Variants in KCTD10 observed in about 807,000 individuals in gnomAD.
KCTD10 encodes the protein BTB/POZ domain-containing adapter for CUL3-mediated RhoA degradation protein 3.
A neutral mutation model predicts 34.6 loss-of-function variants in KCTD10; 13 were observed. The ratio of observed to expected loss-of-function variants is 0.38; its 90% CI spans 0.24 to 0.60. The LOEUF (loss-of-function observed/expected upper bound fraction) is 0.60, where lower values mean the gene tolerates loss of function less well. KCTD10 is among the 20% of genes least tolerant of loss of function. KCTD10 has a pLI of 0.66. For synonymous variants in KCTD10, 156 were observed against 168.8 expected, an observed-to-expected ratio of 0.92 and a Z score of 0.59; for missense variants, 256 against 420.3, an observed-to-expected ratio of 0.61 and a Z score of 3.42.
intron 2 of KCTD10, among the ~76,000 whole-genome samples, chr12:109,465,202 C>T (rs774784445): frequency 8.5e-5 from 13 of 152,174 alleles, no homozygotes; most frequent in Non-Finnish European, 1.8e-4. Flanking sequence ...GCTCCGGCAG[C>T]GGCTGTATGC....
At position 109,450,327 on chromosome 12, in the gene KCTD10, G is replaced by A. The variant is rs1345564125; in HGVS notation, c.*1268C>T. 1.3e-5 allele frequency: 5 copies of A among 387,162 alleles called. No individual in the cohort carries two copies. Among genetic ancestry groups the A allele is most frequent in the African/African-American group, 6.9e-5 (3 of 43,616 alleles). The allele number at this position is 387,162 out of a possible 1,614,324, so 24.0% of individuals were successfully genotyped here. A position where few individuals can be genotyped will look rare whatever the true frequency, so the allele number is the denominator to read the frequency against. ...CTGAGAACACCCGTCCTACATAGGCGCTGCGCCCAGCCGGGCTCCAGCAGG... is the reference window on the plus strand; with the variant it reads ...CTGAGAACACCCGTCCTACATAGGCACTGCGCCCAGCCGGGCTCCAGCAGG... On this transcript the variant is annotated 3_prime_UTR_variant, in exon 7 of 7. Coordinates refer to ENST00000228495, the MANE Select transcript of KCTD10 (RefSeq NM_031954.5).
intron 6 of KCTD10, among the ~76,000 whole-genome samples, chr12:109,453,953 C>T (rs1287212509): frequency 1.3e-5 from 2 of 152,208 alleles, no homozygotes; most frequent in Admixed American, 1.3e-4. Flanking sequence ...GATTTGAAGG[C>T]TTTGAAAATC....
chr12:109,459,042 A>G (rs1018152031), intron 3 of KCTD10: 1 of 152,368 alleles, frequency 6.6e-6, no homozygotes, highest in African/African-American at 2.4e-5. Context: ...AAAGACAGGA[A>G]AAGAGGAGGA....
intron 1 of KCTD10, chr12:109,470,457 A>T: frequency 3.0e-6 from 3 of 985,542 alleles, no homozygotes; most frequent in Non-Finnish European, 3.6e-6. Flanking sequence ...ATCTCAAAGA[A>T]ATGGATACAG....
At chr12:109,464,459 A>T (rs1216430742) in intron 2 of KCTD10, among the ~76,000 whole-genome samples, 3 of 152,222 alleles carry the variant, frequency 2.0e-5, no homozygotes, top group Non-Finnish European at 4.4e-5. Flanking sequence ...ATCCCAAAAA[A>T]TCACCCATTG....
At chr12:109,465,256 G>A (rs1280203107) in intron 2 of KCTD10, among the ~76,000 whole-genome samples, 1 of 152,206 alleles carries the variant, frequency 6.6e-6, no homozygotes, top group African/African-American at 2.4e-5. Context: ...CTGAACGAGA[G>A]CTATTTAGTT....
intron 2 of KCTD10, among the ~76,000 whole-genome samples, chr12:109,465,398 G>A (rs1435451300): frequency 6.6e-6 from 1 of 152,170 alleles, no homozygotes; most frequent in African/African-American, 2.4e-5. Flanking sequence ...TATAGTAAGA[G>A]TAATACCTGG....
chr12:109,460,441 T>C lies in KCTD10; in HGVS notation c.387+195A>G, dbSNP rs1279810526. 1.9e-5 allele frequency: 11 copies of C among 588,764 alleles called. No individual in the cohort carries two copies. The South Asian group carries it at 2.2e-4, about 12-fold the overall frequency. The allele number at this position is 588,764 out of a possible 1,614,324, so 36.5% of individuals were successfully genotyped here. A position where few individuals can be genotyped will look rare whatever the true frequency, so the allele number is the denominator to read the frequency against. On this transcript the variant is annotated intron_variant, in intron 3 of 6. Coordinates refer to ENST00000228495, the MANE Select transcript of KCTD10 (RefSeq NM_031954.5). The surrounding 1 kb of genome is among the most constrained non-coding windows in gnomAD (Gnocchi z 4.5). ...GGGCTGCAAGGAGTGACACAGTAGT[T>C]AGGTGGCCTGCTGTTCCAGGGAGGC...
chr12:109,468,560 A>AG (rs1873705246), intron 2 of KCTD10, among the ~76,000 whole-genome samples: 1 of 152,060 alleles, frequency 6.6e-6, no homozygotes, highest in Non-Finnish European at 1.5e-5. Context: ...AAACCCAGCC[A>AG]GGTAAGGATG....
In KCTD10 at chr12:109,465,033, G is replaced by C. The variant is rs76970595; in HGVS notation, c.218-4228C>G. 2,606 of 310,486 alleles carry C rather than the reference G, an allele frequency of 8.4e-3. 41 individuals are homozygous for C. Among genetic ancestry groups the C allele is most frequent in the African/African-American group, 0.04 (1,844 of 45,672 alleles). 19.2% of individuals were successfully genotyped at this position (310,486 alleles called of 1,614,324 possible). ...TAGGGAGTCCAGAGCCCCCTCATTTGCCAAAGTGAAAATATGATTGTCTAC... is the reference window on the plus strand; with the variant it reads ...TAGGGAGTCCAGAGCCCCCTCATTTCCCAAAGTGAAAATATGATTGTCTAC... On this transcript the variant is annotated intron_variant, in intron 2 of 6. Transcript: ENST00000228495.
chr12:109,457,757 G>A (rs1873097833), intron 4 of KCTD10, 75 bp from the exon 5 acceptor site: 1 of 1,479,488 alleles, frequency 6.8e-7, no homozygotes, highest in Admixed American at 1.7e-5. Flanking sequence ...CTTCCCATAG[G>A]GCTGGGGCCC....
At position 109,469,193 on chromosome 12, in the gene KCTD10, G is replaced by A. The variant is rs7316375; in HGVS notation, c.217+322C>T. The A allele has an allele frequency of 6.1e-5, 18 of 297,464 alleles. No individual in the cohort carries two copies. The South Asian group carries it at 8.8e-4, about 15-fold the overall frequency. 18.4% of individuals were successfully genotyped at this position (297,464 alleles called of 1,614,324 possible). On this transcript the variant is annotated intron_variant, in intron 2 of 6. Transcript: ENST00000228495. ...CAGATACTAATGGGGAGCTGAGACTGAAACCCAGGTTGGCAAGTCTTTGTC... is the reference window on the plus strand; with the variant it reads ...CAGATACTAATGGGGAGCTGAGACTAAAACCCAGGTTGGCAAGTCTTTGTC...
At chr12:109,456,827 T>A (rs1360327092) in intron 5 of KCTD10, 1 of 163,310 alleles carries the variant, frequency 6.1e-6, no homozygotes, top group African/African-American at 2.4e-5. Flanking sequence ...GGTGGGAATG[T>A]AAAATGGTGC....
intron 1 of KCTD10, among the ~76,000 whole-genome samples, chr12:109,472,783 T>C (rs1057371769): frequency 5.9e-5 from 9 of 152,246 alleles, no homozygotes; most frequent in African/African-American, 2.2e-4. Context: ...CTTAAGGGAC[T>C]GTTATATACG....
chr12:109,465,216 T>C (rs1873535937), intron 2 of KCTD10, among the ~76,000 whole-genome samples: 2 of 152,208 alleles, frequency 1.3e-5, no homozygotes, highest in East Asian at 1.9e-4. Context: ...TGTATGCTTC[T>C]AGAATGGACA....
chr12:109,449,610 C>T lies in KCTD10; in HGVS notation c.*1985G>A, dbSNP rs1360750330. The T allele has an allele frequency of 1.3e-5, 2 of 152,120 alleles. No homozygotes were observed. The highest frequency in any genetic ancestry group is 4.8e-5 in the African/African-American group (2 of 41,392). 9.4% of individuals were successfully genotyped at this position (152,120 alleles called of 1,614,324 possible). A position where few individuals can be genotyped will look rare whatever the true frequency, so the allele number is the denominator to read the frequency against. ...ATGGGCTGATGGGTACCTGCAATCC[C>T]AGCTACTCGGGAGGCTGAGGCAGCA... On this transcript the variant is annotated 3_prime_UTR_variant, in exon 7 of 7. Coordinates refer to ENST00000228495, the MANE Select transcript of KCTD10 (RefSeq NM_031954.5).
intron 1 of KCTD10, among the ~76,000 whole-genome samples, chr12:109,473,136 G>A (rs1873970090): frequency 6.6e-6 from 1 of 152,244 alleles, no homozygotes; most frequent in Non-Finnish European, 1.5e-5. Context: ...AGCTGGAGTT[G>A]AGTCAGTGAC....
chr12:109,471,101 C>A, intron 1 of KCTD10: 1 of 985,398 alleles, frequency 1.0e-6, no homozygotes, highest in Non-Finnish European at 1.2e-6. Flanking sequence ...GCACTGACAG[C>A]ACATAACTTG....
At chr12:109,470,171 T>G in intron 1 of KCTD10, 1 of 994,136 alleles carries the variant, frequency 1.0e-6, no homozygotes, top group Non-Finnish European at 1.2e-6. Flanking sequence ...TGCCCAGGTC[T>G]CTTTACATTT....
Sources: gnomAD v4.1 joint callset for allele counts (sites outside exome capture counted in the v4.1 genomes callset) on GRCh38, gnomAD v4.1.1 for gene constraint, Gnocchi (gnomAD v3.1) non-coding constraint, MANE v1.5 for transcripts, NCBI Gene and HGNC (gene_info 2026-07-23, HGNC 2026-07-21) for gene names.